Variants in CAMTA1 observed in about 807,000 individuals in gnomAD.
CAMTA1 encodes the protein calmodulin-binding transcription activator 1.
In CAMTA1, 27 loss-of-function variants were observed where a neutral mutation model predicts 170.9. The ratio of observed to expected loss-of-function variants is 0.16; its 90% confidence interval spans 0.12 to 0.22. CAMTA1 has a LOEUF of 0.22. CAMTA1 is among the 10% of genes least tolerant of loss of function. The pLI is 1.00. For synonymous variants in CAMTA1, 833 were observed against 891.5 expected (o/e 0.93, Z 1.17); for missense variants, 1,619 against 2,217.2 (o/e 0.73, Z 5.42).
At chr1:7,358,742 G>C (rs1263940704) in intron 5 of CAMTA1, among the ~76,000 whole-genome samples, 1 of 152,176 alleles carries the variant, frequency 6.6e-6, no homozygotes, top group Non-Finnish European at 1.5e-5. Context: ...CATGTGACTT[G>C]ATAGGCACAT....
intron 5 of CAMTA1, among the ~76,000 whole-genome samples, chr1:7,421,300 C>G (rs2091546019): frequency 6.6e-6 from 1 of 151,984 alleles, no homozygotes; most frequent in Non-Finnish European, 1.5e-5. Context: ...TTACAGGCGC[C>G]CGCCACCACA....
intron 5 of CAMTA1, among the ~76,000 whole-genome samples, chr1:7,272,458 C>A (rs1210253870): frequency 2.0e-5 from 3 of 151,688 alleles, no homozygotes; most frequent in African/African-American, 7.3e-5. Flanking sequence ...AACAGAAGAA[C>A]AAAGTTGGAG....
rs145948593 is a variant in CAMTA1 at position 7,576,922 on chromosome 1, C to A, written c.511-63478C>A. Among the ~76,000 whole-genome samples, 3 of 152,358 alleles carry A rather than the reference C, an allele frequency of 2.0e-5. No homozygotes were observed. In the East Asian group the frequency reaches 5.8e-4, roughly 29 times the overall value. On this transcript the variant is annotated intron_variant, in intron 6 of 22. Coordinates refer to ENST00000303635, the MANE Select transcript of CAMTA1 (RefSeq NM_015215.4). ...ATACAGGGAATTTGTTAATGAAGAT[C>A]TGTCTTATGGCTCTGAAAGTGGAGA...
chr1:7,167,101 G>A (rs754592109), intron 4 of CAMTA1, among the ~76,000 whole-genome samples: 5 of 152,082 alleles, frequency 3.3e-5, no homozygotes, highest in Admixed American at 1.3e-4. Context: ...ATGAGCCACC[G>A]TGCCCGGACA....
rs560902355 is a variant in CAMTA1 at position 7,064,869 on chromosome 1, G to A, written c.235-26435G>A. 6.6e-6 allele frequency among the ~76,000 whole-genome samples: 1 copy of A among 152,174 alleles called. No homozygotes were observed. Among genetic ancestry groups the A allele is most frequent in the Admixed American group, 6.5e-5 (1 of 15,298 alleles). On this transcript the variant is annotated intron_variant, in intron 3 of 22. Transcript: ENST00000303635. This position sits in a 1 kb window ranked among gnomAD's most constrained non-coding sequence, Gnocchi z 5.4. The stretch of plus-strand genomic sequence containing the variant: ...TTGGGTGACTCCTGCTGCCATCTAG[G>A]CAAGACATGGCAGCCACTTAGATGA...
rs1659778538 is a variant in CAMTA1, at chr1:7,216,539, A to G, written c.303-32952A>G. Among the ~76,000 whole-genome samples, 1 of 150,890 alleles carries G rather than the reference A, an allele frequency of 6.6e-6. No homozygotes were observed. The highest frequency in any genetic ancestry group is 6.6e-5 in the Admixed American group (1 of 15,158). On this transcript the variant is annotated intron_variant, in intron 4 of 22. Transcript: ENST00000303635. The surrounding 1 kb of genome is among the most constrained non-coding windows in gnomAD (Gnocchi z 4.0). ...CTTCCTTTCTTTCTTTCGTTCTTTC[A>G]CAGAACTGTCGCCCAGGCTGCAGTG...
At chr1:7,103,560 T>C (rs1234876989) in intron 4 of CAMTA1, among the ~76,000 whole-genome samples, 1 of 26,064 alleles carries the variant, frequency 3.8e-5, no homozygotes, top group African/African-American at 3.9e-4. Context: ...ACTACACACA[T>C]ACACACAACA....
At chr1:7,059,523 G>T (rs1292404515) in intron 3 of CAMTA1, among the ~76,000 whole-genome samples, 1 of 152,100 alleles carries the variant, frequency 6.6e-6, no homozygotes, top group Non-Finnish European at 1.5e-5. Flanking sequence ...GGGAGGCTGG[G>T]GCAGGAGGAT....
At position 7,448,041 on chromosome 1, in the gene CAMTA1, C is replaced by T. The variant is rs1025905319; in HGVS notation, c.439-19789C>T. ...TCACTGAGTCCTCGGAGCAGGTCAG[C>T]GGGTGCTCCTCTGCGGCCGCTGTCT... On this transcript the variant is annotated intron_variant, in intron 5 of 22. Coordinates refer to ENST00000303635, the MANE Select transcript of CAMTA1 (RefSeq NM_015215.4). Among the ~76,000 whole-genome samples, 12 of 152,350 alleles carry T rather than the reference C, an allele frequency of 7.9e-5. No homozygotes were observed. In the East Asian group the frequency reaches 1.4e-3, roughly 17 times the overall value.
intron 3 of CAMTA1, among the ~76,000 whole-genome samples, chr1:6,937,568 ACCACTTACCACCACCATCG>A (rs1685621964): frequency 6.5e-4 from 2 of 3,080 alleles, no homozygotes; most frequent in Non-Finnish European, 1.5e-3. Flanking sequence ...ATCACCATTC[ACCACTTACCACCACCATCG>A]TCACCATCAC....
chr1:6,985,341 C>T (rs888656092), intron 3 of CAMTA1, among the ~76,000 whole-genome samples: 14 of 152,236 alleles, frequency 9.2e-5, no homozygotes, highest in African/African-American at 3.4e-4. Flanking sequence ...CAGATGATCT[C>T]TGCTCCTCTC....
chr1:7,502,428 C>T (rs1725262), intron 6 of CAMTA1, among the ~76,000 whole-genome samples: 89,004 of 152,078 alleles, frequency 0.59, 27,844 homozygotes, highest in Middle Eastern at 0.83. Flanking sequence ...TTGATGGGCT[C>T]CGGCAGCTCA....
At chr1:7,312,053 A>G (rs555451363) in intron 5 of CAMTA1, among the ~76,000 whole-genome samples, 15 of 152,160 alleles carry the variant, frequency 9.9e-5, no homozygotes, top group Non-Finnish European at 2.1e-4. Flanking sequence ...TCATCTGGCC[A>G]TAAAGCTGGG....
At chr1:6,997,660 C>CTTTTT (rs111887834) in intron 3 of CAMTA1, among the ~76,000 whole-genome samples, 40 of 127,636 alleles carry the variant, frequency 3.1e-4, no homozygotes, top group Non-Finnish European at 5.1e-4. Flanking sequence ...TCTTTTCTTT[C>CTTTTT]TTTTTTTTTT....
At chr1:7,346,555 T>C (rs868367612) in intron 5 of CAMTA1, among the ~76,000 whole-genome samples, 1 of 152,070 alleles carries the variant, frequency 6.6e-6, no homozygotes, top group African/African-American at 2.4e-5. Context: ...CCATAAGACT[T>C]CCCCCCTTAG....
chr1:7,029,279 A>C (rs1702452516), intron 3 of CAMTA1, among the ~76,000 whole-genome samples: 1 of 152,064 alleles, frequency 6.6e-6, no homozygotes, highest in Non-Finnish European at 1.5e-5. Flanking sequence ...AGGCGGGTGG[A>C]TCACAAGGTC....
intron 11 of CAMTA1, among the ~76,000 whole-genome samples, chr1:7,721,600 T>C (rs2096650145): frequency 6.6e-6 from 1 of 152,086 alleles, no homozygotes; most frequent in Non-Finnish European, 1.5e-5. Flanking sequence ...TGGAGAACAT[T>C]GAGTTATGAG....
intron 3 of CAMTA1, among the ~76,000 whole-genome samples, chr1:6,981,698 A>G (rs146036330): frequency 5.6e-4 from 85 of 152,276 alleles, no homozygotes; most frequent in African/African-American, 1.9e-3. Context: ...AGCTTCCCAA[A>G]GTGCTGGAAT....
chr1:6,852,027 A>T (rs1176022704), intron 3 of CAMTA1, among the ~76,000 whole-genome samples: 1 of 151,946 alleles, frequency 6.6e-6, no homozygotes, highest in Non-Finnish European at 1.5e-5. Flanking sequence ...AAAAAAAAAA[A>T]AAGTAACCAG....
Sources: allele counts gnomAD v4.1 joint callset (sites outside exome capture counted in the v4.1 genomes callset), GRCh38; gene constraint gnomAD v4.1.1; non-coding constraint Gnocchi (gnomAD v3.1); transcripts MANE v1.5; gene names NCBI Gene and HGNC (gene_info 2026-07-23, HGNC 2026-07-21).